IGFL2: variants seen among roughly 807,000 people sequenced by gnomAD.
The protein encoded by IGFL2 is insulin growth factor-like family member 2.
IGFL2 carries 7 observed loss-of-function variants against 13.9 expected under a neutral mutation model. That is an observed-to-expected ratio of 0.51 (90% CI 0.29 to 0.95). IGFL2 has a LOEUF of 0.95. Ranked by LOEUF, IGFL2 falls within the 40% of genes least tolerant of loss-of-function variation. The pLI, the probability that IGFL2 is intolerant of heterozygous loss-of-function variation, is 0.08. For synonymous variants in IGFL2, 55 were observed against 55.8 expected (o/e 0.99, Z 0.07); for missense variants, 138 against 147.8 (o/e 0.93, Z 0.34).
chr19:46,208,084 C>G, the IGFL2 span: 1 of 152,250 alleles, frequency 6.6e-6, no homozygotes, highest in African/African-American at 2.4e-5. Flanking sequence ...AGGTTAATTA[C>G]TTACAGACAG....
chr19:46,135,776 C>G, the IGFL2 span, among the ~76,000 whole-genome samples: 2 of 152,244 alleles, frequency 1.3e-5, no homozygotes, highest in African/African-American at 4.8e-5. Flanking sequence ...CTCCGTATCT[C>G]TTTTCCAGTA....
At chr19:46,153,334 A>G (rs1346798522) in intron 1 of IGFL2, among the ~76,000 whole-genome samples, 2 of 152,184 alleles carry the variant, frequency 1.3e-5, no homozygotes, top group Non-Finnish European at 1.5e-5. Context: ...CCTTGCCAGC[A>G]TCTGTTATTT....
chr19:46,114,077 T>C, the IGFL2 span, among the ~76,000 whole-genome samples: 155 of 152,294 alleles, frequency 1.0e-3, no homozygotes, highest in African/African-American at 3.5e-3. Context: ...AAGTCAGACT[T>C]TCTCTGGTAA....
chr19:46,171,712 G>A, the IGFL2 span, among the ~76,000 whole-genome samples: 7 of 152,094 alleles, frequency 4.6e-5, no homozygotes, highest in African/African-American at 1.4e-4. Context: ...GAGAAAATGC[G>A]AGTACACTTA....
chr19:46,180,937 G>GCC, the IGFL2 span, among the ~76,000 whole-genome samples: 4 of 152,158 alleles, frequency 2.6e-5, no homozygotes, highest in African/African-American at 9.7e-5. Flanking sequence ...ATTGGATGGT[G>GCC]CCCCCCCAGA....
At chr19:46,097,744 C>T in the IGFL2 span, among the ~76,000 whole-genome samples, 1 of 152,152 alleles carries the variant, frequency 6.6e-6, no homozygotes, top group Non-Finnish European at 1.5e-5. Context: ...TTCTTTACTT[C>T]TGTCTTAATT....
At chr19:46,136,481 C>A in the IGFL2 span, among the ~76,000 whole-genome samples, 1 of 151,998 alleles carries the variant, frequency 6.6e-6, no homozygotes, top group African/African-American at 2.4e-5. Flanking sequence ...GGGAAAAAAT[C>A]ACATGATATT....
chr19:46,194,586 C>T, the IGFL2 span, among the ~76,000 whole-genome samples: 2 of 151,964 alleles, frequency 1.3e-5, no homozygotes, highest in Admixed American at 1.3e-4. Flanking sequence ...CTTTGGGAGG[C>T]CGGGGGAGGT....
the IGFL2 span, among the ~76,000 whole-genome samples, chr19:46,203,851 G>T: frequency 1.1e-3 from 163 of 152,164 alleles, no homozygotes; most frequent in Non-Finnish European, 1.7e-3. Context: ...CGAGTAGCTG[G>T]GATTACAGGT....
At chr19:46,125,404 T>G in the IGFL2 span, among the ~76,000 whole-genome samples, 1 of 152,262 alleles carries the variant, frequency 6.6e-6, no homozygotes, top group African/African-American at 2.4e-5. Flanking sequence ...GAGTGTGTAG[T>G]ACTTAGGTGT....
At chr19:46,191,905 T>C in the IGFL2 span, among the ~76,000 whole-genome samples, 2 of 152,266 alleles carry the variant, frequency 1.3e-5, no homozygotes, top group South Asian at 4.1e-4. Context: ...TACTATTTTA[T>C]TTGTAATCAT....
chr19:46,095,511 G>C, the IGFL2 span, among the ~76,000 whole-genome samples: 1 of 152,098 alleles, frequency 6.6e-6, no homozygotes, highest in South Asian at 2.1e-4. Context: ...CTTTTGCTGT[G>C]CAGAAACTCT....
intron 1 of IGFL2, among the ~76,000 whole-genome samples, chr19:46,155,841 AT>A (rs1283878775): frequency 6.6e-6 from 1 of 152,154 alleles, no homozygotes; most frequent in Non-Finnish European, 1.5e-5. Context: ...CATTGATAAA[AT>A]TATTTATCTT....
the IGFL2 span, among the ~76,000 whole-genome samples, chr19:46,100,165 A>T: frequency 1.3e-5 from 2 of 151,984 alleles, no homozygotes; most frequent in Non-Finnish European, 2.9e-5. Context: ...CTTGCTGGAG[A>T]GGAGTTGTGA....
At chr19:46,156,774 AAAT>A (rs1402524918) in intron 1 of IGFL2, among the ~76,000 whole-genome samples, 1 of 152,262 alleles carries the variant, frequency 6.6e-6, no homozygotes, top group African/African-American at 2.4e-5. Flanking sequence ...AGAAGGAAGG[AAAT>A]AATAAAGAGG....
chr19:46,140,774 T>C (rs1972824942), upstream of IGFL2, among the ~76,000 whole-genome samples: 2 of 152,284 alleles, frequency 1.3e-5, no homozygotes, highest in African/African-American at 2.4e-5. Flanking sequence ...TGAAGTCTAA[T>C]GAATGAATTC....
the IGFL2 span, chr19:46,124,324 A>G: frequency 6.2e-7 from 1 of 1,608,970 alleles, no homozygotes; most frequent in Non-Finnish European, 8.5e-7. Flanking sequence ...GACAAGAGCT[A>G]AGGGAGAAAG....
chr19:46,212,328 G>A, the IGFL2 span: 5 of 152,374 alleles, frequency 3.3e-5, no homozygotes, highest in African/African-American at 1.2e-4. Context: ...CCCTGTCCAT[G>A]CTCCCCAGAA....
At chr19:46,189,670 C>T in the IGFL2 span, 1 of 152,458 alleles carries the variant, frequency 6.6e-6, no homozygotes, top group Non-Finnish European at 1.5e-5. Context: ...CTCTTGTCTT[C>T]TGGTCATTTC....
Sources: gnomAD v4.1 joint callset for allele counts (sites outside exome capture counted in the v4.1 genomes callset) on GRCh38, gnomAD v4.1.1 for gene constraint, MANE v1.5 for transcripts, NCBI Gene and HGNC (gene_info 2026-07-23, HGNC 2026-07-21) for gene names.